Variants in TUNAR observed in about 807,000 individuals in gnomAD.
The protein encoded by TUNAR is protein TUNAR.
At chr14:95,886,522 G>A (rs1174821636) in intron 2 of TUNAR, among the ~76,000 whole-genome samples, 1 of 152,254 alleles carries the variant, frequency 6.6e-6, no homozygotes, top group East Asian at 1.9e-4. Context: ...GCCTGGCAGA[G>A]AGCCCTCTTC....
intron 2 of TUNAR, among the ~76,000 whole-genome samples, chr14:95,916,656 T>G (rs1595126106): frequency 6.6e-6 from 1 of 152,194 alleles, no homozygotes; most frequent in Admixed American, 6.5e-5. Context: ...CATGGCTGGG[T>G]CACTGAGGTG....
At chr14:95,912,971 T>G (rs1237600678) in intron 2 of TUNAR, among the ~76,000 whole-genome samples, 1 of 152,072 alleles carries the variant, frequency 6.6e-6, no homozygotes, top group Non-Finnish European at 1.5e-5. Context: ...TCTTGTATTT[T>G]TAGTAGAGAT....
intron 2 of TUNAR, among the ~76,000 whole-genome samples, chr14:95,899,622 A>C (rs1048332520): frequency 6.6e-6 from 1 of 152,276 alleles, no homozygotes; most frequent in Admixed American, 6.5e-5. Context: ...TCAAGTTGCC[A>C]GTAGATTGAG....
chr14:95,920,742 A>G (rs117420956), intron 2 of TUNAR, among the ~76,000 whole-genome samples: 1,552 of 152,162 alleles, frequency 0.01, 13 homozygotes, highest in Non-Finnish European at 0.014. Context: ...CAGACGTTTC[A>G]TTTCCCATCT....
chr14:95,909,530 G>T (rs899064271), intron 2 of TUNAR, among the ~76,000 whole-genome samples: 1 of 152,044 alleles, frequency 6.6e-6, no homozygotes. Flanking sequence ...TGATCCACCC[G>T]CCTCAGCCCC....
At chr14:95,887,971 C>T (rs1889105152) in intron 2 of TUNAR, among the ~76,000 whole-genome samples, 1 of 152,228 alleles carries the variant, frequency 6.6e-6, no homozygotes, top group Non-Finnish European at 1.5e-5. Context: ...ACAATCTCAC[C>T]ATTGGAATGG....
intron 2 of TUNAR, among the ~76,000 whole-genome samples, chr14:95,902,484 C>T (rs564493293): frequency 2.7e-4 from 41 of 152,238 alleles, no homozygotes; most frequent in Non-Finnish European, 4.9e-4. Context: ...GGGTGCAGCC[C>T]GCCAAAGAAA....
chr14:95,883,064 C>T (rs529343939), intron 2 of TUNAR, among the ~76,000 whole-genome samples: 5 of 152,308 alleles, frequency 3.3e-5, no homozygotes, highest in Admixed American at 2.6e-4. Flanking sequence ...ACTTCTAAAA[C>T]AGTACGTCCA....
intron 2 of TUNAR, among the ~76,000 whole-genome samples, chr14:95,881,427 G>A (rs990034388): frequency 5.9e-5 from 9 of 152,126 alleles, no homozygotes; most frequent in African/African-American, 2.2e-4. Context: ...AGGAGTTGTC[G>A]CTAGGCTGCT....
At chr14:95,892,112 G>A (rs1889188151) in intron 2 of TUNAR, among the ~76,000 whole-genome samples, 1 of 152,350 alleles carries the variant, frequency 6.6e-6, no homozygotes, top group South Asian at 2.1e-4. Context: ...GTTAGGACTT[G>A]AGCATATCTT....
At chr14:95,898,866 C>T (rs1889303997) in intron 2 of TUNAR, among the ~76,000 whole-genome samples, 1 of 152,210 alleles carries the variant, frequency 6.6e-6, no homozygotes, top group African/African-American at 2.4e-5. Flanking sequence ...TGCTCACTTT[C>T]TCCTGTGCCT....
At chr14:95,916,431 A>G (rs183361047) in intron 2 of TUNAR, among the ~76,000 whole-genome samples, 106 of 152,322 alleles carry the variant, frequency 7.0e-4, no homozygotes, top group African/African-American at 2.4e-3. Context: ...TTTGCAATTC[A>G]TCCATGCGAT....
chr14:95,910,303 A>G (rs1158039022), intron 2 of TUNAR, among the ~76,000 whole-genome samples: 3 of 152,216 alleles, frequency 2.0e-5, no homozygotes, highest in Non-Finnish European at 4.4e-5. Flanking sequence ...CTTGAGCCCA[A>G]GAGTTTGAGA....
chr14:95,918,038 T>C (rs1194594662), intron 2 of TUNAR, among the ~76,000 whole-genome samples: 1 of 152,262 alleles, frequency 6.6e-6, no homozygotes, highest in Non-Finnish European at 1.5e-5. Flanking sequence ...GTATAACCTT[T>C]AGCAAGCTTT....
At chr14:95,899,038 T>C (rs1889307309) in intron 2 of TUNAR, among the ~76,000 whole-genome samples, 1 of 152,190 alleles carries the variant, frequency 6.6e-6, no homozygotes, top group Non-Finnish European at 1.5e-5. Context: ...TCAGCTTCCC[T>C]TCCCCCCAAA....
At chr14:95,883,088 C>G (rs924422250) in intron 2 of TUNAR, among the ~76,000 whole-genome samples, 2 of 151,818 alleles carry the variant, frequency 1.3e-5, no homozygotes, top group African/African-American at 4.8e-5. Context: ...TTGCAGTGTT[C>G]AAGTCTAAAG....
At chr14:95,889,776 C>T (rs1889143103) in intron 2 of TUNAR, among the ~76,000 whole-genome samples, 1 of 152,140 alleles carries the variant, frequency 6.6e-6, no homozygotes, top group African/African-American at 2.4e-5. Context: ...CCTTCCTGTG[C>T]ACCTGCAGGG....
At chr14:95,884,503 C>T (rs980786445) in intron 2 of TUNAR, among the ~76,000 whole-genome samples, 8 of 152,214 alleles carry the variant, frequency 5.3e-5, no homozygotes, top group Non-Finnish European at 8.8e-5. Context: ...CTCTTAAACC[C>T]ACTTGGGCAA....
intron 2 of TUNAR, among the ~76,000 whole-genome samples, chr14:95,881,769 A>T (rs549636674): frequency 6.6e-6 from 1 of 152,368 alleles, no homozygotes; most frequent in Admixed American, 6.5e-5. Context: ...AGCATCCACC[A>T]TTCCCAGGAC....
Sources: gnomAD v4.1 joint callset for allele counts (sites outside exome capture counted in the v4.1 genomes callset) on GRCh38, gnomAD v4.1.1 for gene constraint, MANE v1.5 for transcripts, NCBI Gene and HGNC (gene_info 2026-07-23, HGNC 2026-07-21) for gene names.